The following SLC44A5 variants were observed in gnomAD, a reference collection of about 807,000 sequenced individuals.
SLC44A5 encodes solute carrier family 44 member 5, also known as choline transporter-like protein 5.
SLC44A5 carries 57 observed loss-of-function variants against 101.8 expected under a neutral mutation model. That is an observed-to-expected ratio of 0.56 (90% CI 0.45 to 0.70). The LOEUF is 0.70. Among genes scored for constraint, SLC44A5 ranks in the 30% least tolerant of loss-of-function variants. The pLI, the probability that SLC44A5 is intolerant of heterozygous loss-of-function variation, is 0.00. For synonymous variants in SLC44A5, 281 were observed against 290.9 expected, an observed-to-expected ratio of 0.97 and a Z score of 0.35; for missense variants, 737 against 853.1, an observed-to-expected ratio of 0.86 and a Z score of 1.70.
intron 2 of SLC44A5, among the ~76,000 whole-genome samples, chr1:75,484,293 C>A (rs991555517): frequency 6.6e-6 from 1 of 152,202 alleles, no homozygotes; most frequent in Non-Finnish European, 1.5e-5. Context: ...AATGGGGGTA[C>A]AGGCATTGGG....
intron 2 of SLC44A5, among the ~76,000 whole-genome samples, chr1:75,474,644 C>T (rs1262718422): frequency 2.0e-5 from 3 of 152,066 alleles, no homozygotes; most frequent in Non-Finnish European, 2.9e-5. Flanking sequence ...TGGAAGTTTT[C>T]TTTGTGGGGC....
At chr1:75,516,466 G>T (rs889697861) in intron 2 of SLC44A5, among the ~76,000 whole-genome samples, 31 of 152,236 alleles carry the variant, frequency 2.0e-4, no homozygotes, top group African/African-American at 6.7e-4. Flanking sequence ...GCAGTGAGCG[G>T]AGATCGCACC....
chr1:75,679,826 TAAAG>T, the SLC44A5 span, among the ~76,000 whole-genome samples: 1 of 152,062 alleles, frequency 6.6e-6, no homozygotes, highest in African/African-American at 2.4e-5. Context: ...GCAAATTGGA[TAAAG>T]AGTCAAGACC....
intron 23 of SLC44A5, among the ~76,000 whole-genome samples, chr1:75,207,857 G>A (rs1646778771): frequency 2.0e-5 from 3 of 152,030 alleles, no homozygotes; most frequent in Admixed American, 6.6e-5. Flanking sequence ...ACCTCAAACC[G>A]TCAAGCTCTA....
At position 75,226,275 on chromosome 1, in the gene SLC44A5, C is replaced by T. The variant is rs148912388; in HGVS notation, c.985+1451G>A. On this transcript the variant is annotated intron_variant, in intron 13 of 23. Coordinates refer to ENST00000370859, the MANE Select transcript of SLC44A5 (RefSeq NM_001130058.2). ...TTTTTTTTAAGAGAAAAACTAAATG[C>T]GGTGGAGAAGGAATCTGGGAGGGAC... is the stretch of plus-strand genomic sequence containing the variant. Among the ~76,000 whole-genome samples, 59 of 151,268 alleles carry T rather than the reference C, an allele frequency of 3.9e-4. No individual in the cohort carries two copies. In the East Asian group the frequency reaches 9.9e-3, roughly 25 times the overall value.
chr1:75,706,162 A>C, the SLC44A5 span, among the ~76,000 whole-genome samples: 1 of 152,152 alleles, frequency 6.6e-6, no homozygotes, highest in Non-Finnish European at 1.5e-5. Flanking sequence ...CAAGGTAATA[A>C]ATTTCCCCTA....
the SLC44A5 span, chr1:75,720,226 G>C: frequency 6.6e-6 from 1 of 152,150 alleles, no homozygotes; most frequent in African/African-American, 2.4e-5. Context: ...GATGCAGACA[G>C]GGCTTCTGTT....
chr1:75,579,360 T>C (rs1673551168), intron 1 of SLC44A5, among the ~76,000 whole-genome samples: 1 of 152,190 alleles, frequency 6.6e-6, no homozygotes, highest in Non-Finnish European at 1.5e-5. Context: ...GGAGGATCGC[T>C]TGAACTGAGG....
At chr1:75,681,232 A>T in the SLC44A5 span, among the ~76,000 whole-genome samples, 1 of 152,244 alleles carries the variant, frequency 6.6e-6, no homozygotes, top group Non-Finnish European at 1.5e-5. Flanking sequence ...ATAGAAAAAG[A>T]GGTAATCCTC....
intron 4 of SLC44A5, among the ~76,000 whole-genome samples, chr1:75,329,446 ATT>A (rs4035438): frequency 7.7e-4 from 115 of 148,622 alleles, no homozygotes; most frequent in African/African-American, 1.8e-3. Flanking sequence ...ACATTTCTTG[ATT>A]TTTTTTTTTT....
intron 3 of SLC44A5, among the ~76,000 whole-genome samples, chr1:75,357,635 G>T (rs1659177754): frequency 6.6e-6 from 1 of 152,140 alleles, no homozygotes; most frequent in Non-Finnish European, 1.5e-5. Context: ...GAGGTGGTCT[G>T]CAAGCTGGAC....
At chr1:75,284,057 G>A (rs1320018568) in intron 5 of SLC44A5, among the ~76,000 whole-genome samples, 2 of 152,038 alleles carry the variant, frequency 1.3e-5, no homozygotes, top group Non-Finnish European at 2.9e-5. Flanking sequence ...GTATTTTGAT[G>A]TGAAATGGCC....
At chr1:75,505,505 T>A (rs1027055338) in intron 2 of SLC44A5, among the ~76,000 whole-genome samples, 2 of 152,218 alleles carry the variant, frequency 1.3e-5, no homozygotes, top group Non-Finnish European at 2.9e-5. Context: ...CTCTGCAGCC[T>A]CACCATCATC....
chr1:75,340,415 T>C (rs1448012258), intron 3 of SLC44A5, among the ~76,000 whole-genome samples: 12 of 152,192 alleles, frequency 7.9e-5, no homozygotes, highest in Admixed American at 7.9e-4. Context: ...CACTCCCACC[T>C]GTTCCTCTAG....
chr1:75,666,616 A>G, the SLC44A5 span, among the ~76,000 whole-genome samples: 814 of 152,266 alleles, frequency 5.3e-3, 8 homozygotes, highest in African/African-American at 0.019. Flanking sequence ...TGATACCAAA[A>G]CTGGGCAGAG....
At position 75,486,660 on chromosome 1, in the gene SLC44A5, CAA is replaced by C. The variant is rs140745662; in HGVS notation, c.13+54773_13+54774del. Among the ~76,000 whole-genome samples, 31 of 152,220 alleles carry C rather than the reference CAA, an allele frequency of 2.0e-4. No homozygotes were observed. The East Asian group carries it at 6.0e-3, about 29-fold the overall frequency. ...TCCAAATGGGAGAAATTGGCCAAAA[CAA>C]AGAGGCCACAGGCCCCATGCCAGTC... is the stretch of plus-strand genomic sequence containing the variant. On this transcript the variant is annotated intron_variant, in intron 2 of 23. Coordinates refer to ENST00000370859, the MANE Select transcript of SLC44A5 (RefSeq NM_001130058.2).
At chr1:75,406,173 G>C (rs1479572622) in intron 2 of SLC44A5, among the ~76,000 whole-genome samples, 1 of 151,952 alleles carries the variant, frequency 6.6e-6, no homozygotes, top group African/African-American at 2.4e-5. Flanking sequence ...AAGAAGTTAA[G>C]TCCCTTAATA....
At chr1:75,316,434 G>T (rs1249665) in intron 4 of SLC44A5, among the ~76,000 whole-genome samples, 20,122 of 152,178 alleles carry the variant, frequency 0.13, 2,216 homozygotes, top group African/African-American at 0.3. Flanking sequence ...CCTCTGTGAA[G>T]CAATCATTTG....
Position 75,465,128 on chromosome 1 carries a change from C to T in SLC44A5, c.14-68507G>A, listed in dbSNP as rs539781012. Among the ~76,000 whole-genome samples, 9 of 152,196 alleles carry T rather than the reference C, an allele frequency of 5.9e-5. No individual in the cohort carries two copies. The East Asian group carries it at 1.7e-3, about 29-fold the overall frequency. On this transcript the variant is annotated intron_variant, in intron 2 of 23. Transcript: ENST00000370859. ...ACATGGATCATTCTCAATGACAGAC[C>T]TTATGTTAGGTCACAAAACTAGTCT...
Sources: allele counts gnomAD v4.1 joint callset (sites outside exome capture counted in the v4.1 genomes callset), GRCh38; gene constraint gnomAD v4.1.1; transcripts MANE v1.5; gene names NCBI Gene and HGNC (gene_info 2026-07-23, HGNC 2026-07-21).